The following EBF1 variants were observed in gnomAD, a reference collection of about 807,000 sequenced individuals.
EBF1 encodes transcription factor COE1.
A neutral mutation model predicts 68.4 loss-of-function variants in EBF1; 10 were observed. The observed-to-expected ratio is 0.15, with a 90% CI of 0.09 to 0.25. The LOEUF (loss-of-function observed/expected upper bound fraction) is 0.25. Ranked by LOEUF, EBF1 falls within the 10% of genes least tolerant of loss-of-function variation. EBF1 has a pLI of 1.00. For synonymous variants in EBF1, 298 were observed against 299.8 expected, an observed-to-expected ratio of 0.99 and a Z score of 0.06; for missense variants, 509 against 794.4, an observed-to-expected ratio of 0.64 and a Z score of 4.32.
chr5:158,751,038 G>GA (rs983871644), intron 10 of EBF1, among the ~76,000 whole-genome samples: 1 of 152,036 alleles, frequency 6.6e-6, no homozygotes, highest in South Asian at 2.1e-4. Flanking sequence ...TAGGCTATGT[G>GA]AAAAAAACAG....
At chr5:159,003,148 T>G (rs371938158) in intron 6 of EBF1, among the ~76,000 whole-genome samples, 13 of 152,244 alleles carry the variant, frequency 8.5e-5, no homozygotes, top group African/African-American at 2.9e-4. Context: ...TTCTGTCTGT[T>G]TGAACTGCTT....
At chr5:158,743,374 G>A (rs1766848479) in intron 10 of EBF1, among the ~76,000 whole-genome samples, 1 of 152,196 alleles carries the variant, frequency 6.6e-6, no homozygotes, top group South Asian at 2.1e-4. Flanking sequence ...GCAGAGTACA[G>A]CTTAACATGT....
Position 158,830,319 on chromosome 5 carries a change from C to T in EBF1, c.637-7002G>A, listed in dbSNP as rs1167751075. 5.9e-5 allele frequency among the ~76,000 whole-genome samples: 9 copies of T among 152,088 alleles called. No homozygotes were observed. In the South Asian group the frequency reaches 6.2e-4, roughly 11 times the overall value. The stretch of plus-strand genomic sequence containing the variant: ...ATGGAGTCTTGCTCTGTCACCAGGC[C>T]GGACTGCAGGGCGTAATCTCGGCTC... On this transcript the variant is annotated intron_variant, in intron 7 of 15. Coordinates refer to ENST00000313708, the MANE Select transcript of EBF1 (RefSeq NM_024007.5).
chr5:158,715,990 A>AG (rs1760608322), intron 11 of EBF1, among the ~76,000 whole-genome samples: 1 of 152,206 alleles, frequency 6.6e-6, no homozygotes, highest in South Asian at 2.1e-4. Context: ...TTTCCATTTT[A>AG]GGGGGGAAAA....
chr5:159,069,114 A>G (rs187861635), intron 6 of EBF1, among the ~76,000 whole-genome samples: 6 of 152,238 alleles, frequency 3.9e-5, no homozygotes, highest in Middle Eastern at 3.4e-3. Flanking sequence ...CTTTTAGGTT[A>G]CTGGAGCTAC....
At chr5:158,752,992 T>C (rs978111649) in intron 10 of EBF1, among the ~76,000 whole-genome samples, 1 of 152,092 alleles carries the variant, frequency 6.6e-6, no homozygotes, top group African/African-American at 2.4e-5. Context: ...GGTATGTTCT[T>C]TAAAGTGAAT....
chr5:159,086,090 T>TA (rs1201810942), intron 4 of EBF1, among the ~76,000 whole-genome samples: 1 of 152,204 alleles, frequency 6.6e-6, no homozygotes, highest in Non-Finnish European at 1.5e-5. Flanking sequence ...ATTTTTTTAC[T>TA]TTGACATACA....
At chr5:158,975,707 G>A (rs903753787) in intron 6 of EBF1, among the ~76,000 whole-genome samples, 8 of 152,224 alleles carry the variant, frequency 5.3e-5, no homozygotes, top group Admixed American at 3.9e-4. Context: ...CTTATCCACA[G>A]CCACATGAGA....
intron 6 of EBF1, chr5:159,019,027 T>A (rs1766152244): frequency 6.6e-6 from 1 of 152,242 alleles, no homozygotes; most frequent in African/African-American, 2.4e-5. Flanking sequence ...GCTACAAACA[T>A]GCCTGTGTCT....
intron 11 of EBF1, among the ~76,000 whole-genome samples, chr5:158,725,828 G>C (rs921471691): frequency 6.6e-6 from 1 of 152,196 alleles, no homozygotes; most frequent in African/African-American, 2.4e-5. Flanking sequence ...GTTTTCCATA[G>C]GGGTTTCACG....
chr5:158,758,948 T>C (rs1336023677), intron 10 of EBF1, among the ~76,000 whole-genome samples: 1 of 152,196 alleles, frequency 6.6e-6, no homozygotes, highest in East Asian at 1.9e-4. Context: ...TTCATAATGA[T>C]GATTTCTTTT....
chr5:159,099,277 T>C (rs370934070), intron 1 of EBF1, 68 bp downstream of exon 1: 45 of 771,738 alleles, frequency 5.8e-5, no homozygotes, highest in South Asian at 4.8e-4. Flanking sequence ...CCGCTGCCGC[T>C]GCCGCCTCCG....
intron 6 of EBF1, among the ~76,000 whole-genome samples, chr5:158,969,334 A>AT (rs2127555617): frequency 6.6e-6 from 1 of 152,312 alleles, no homozygotes; most frequent in South Asian, 2.1e-4. Context: ...CTCAGGAAGC[A>AT]TTTGTAGGCT....
intron 6 of EBF1, among the ~76,000 whole-genome samples, chr5:158,879,727 G>A (rs911700918): frequency 5.9e-5 from 9 of 152,092 alleles, no homozygotes; most frequent in Non-Finnish European, 8.8e-5. Context: ...ATAATAAAAA[G>A]AAAAGTTGTA....
chr5:158,930,511 G>C (rs1261810004), intron 6 of EBF1, among the ~76,000 whole-genome samples: 1 of 152,088 alleles, frequency 6.6e-6, no homozygotes, highest in African/African-American at 2.4e-5. Flanking sequence ...TCCTACCCTG[G>C]TAGCATAGGC....
chr5:158,821,895 G>A (rs995780561), intron 8 of EBF1, among the ~76,000 whole-genome samples: 2 of 152,228 alleles, frequency 1.3e-5, no homozygotes, highest in African/African-American at 4.8e-5. Flanking sequence ...AAAACTGGAT[G>A]TGGTGAAGAA....
intron 8 of EBF1, among the ~76,000 whole-genome samples, chr5:158,822,898 T>C (rs1041236356): frequency 6.6e-6 from 1 of 152,176 alleles, no homozygotes; most frequent in Admixed American, 6.5e-5. Context: ...AAAGCAATGG[T>C]CCAGGCCTCC....
Position 158,733,418 on chromosome 5 carries a change from T to C in EBF1, c.1037-2261A>G, listed in dbSNP as rs141153590. Among the ~76,000 whole-genome samples the C allele has an allele frequency of 4.0e-3, 610 of 152,308 alleles. 4 individuals are homozygous for C. Among genetic ancestry groups the C allele is most frequent in the African/African-American group, 0.014 (585 of 41,562 alleles). On this transcript the variant is annotated intron_variant, in intron 10 of 15. Transcript: ENST00000313708. ...GTGTCTAGAAATTCATGGTTGTTAA[T>C]TGAATGACTGTCTGATGTATGGCGG...
chr5:159,075,383 G>A (rs552448764), intron 5 of EBF1, among the ~76,000 whole-genome samples: 30 of 152,242 alleles, frequency 2.0e-4, no homozygotes, highest in Admixed American at 3.9e-4. Flanking sequence ...CAGAGCCCAC[G>A]TCTCCTTTAC....
Sources: gnomAD v4.1 joint callset for allele counts (sites outside exome capture counted in the v4.1 genomes callset) on GRCh38, gnomAD v4.1.1 for gene constraint, MANE v1.5 for transcripts, NCBI Gene and HGNC (gene_info 2026-07-23, HGNC 2026-07-21) for gene names.